CBX7: variants seen among roughly 807,000 people sequenced by gnomAD.
CBX7 encodes the protein chromobox protein homolog 7.
A neutral mutation model predicts 31.4 loss-of-function variants in CBX7; 14 were observed. That is an observed-to-expected ratio of 0.45 (90% confidence interval 0.29 to 0.70). The LOEUF (loss-of-function observed/expected upper bound fraction) is 0.70, where lower values mean the gene tolerates loss of function less well. Ranked by LOEUF, CBX7 falls within the 30% of genes least tolerant of loss-of-function variation. The pLI is 0.11. For missense variants in CBX7, 269 were observed against 351.9 expected, an observed-to-expected ratio of 0.76 and a Z score of 1.89; for synonymous variants, 159 against 152.6, an observed-to-expected ratio of 1.04 and a Z score of -0.31.
chr22:39,151,371 T>G (rs763216182), intron 1 of CBX7, among the ~76,000 whole-genome samples: 1 of 152,114 alleles, frequency 6.6e-6, no homozygotes, highest in East Asian at 1.9e-4. Context: ...GTTTTCTCTA[T>G]GGAGAAAGAA....
Position 39,152,278 on chromosome 22 carries a change from C to A in CBX7, c.69+98G>T, listed in dbSNP as rs1162170849. The A allele has an allele frequency of 1.3e-6, 1 of 740,982 alleles. No individual in the cohort carries two copies. Among genetic ancestry groups the A allele is most frequent in the East Asian group, 4.3e-5 (1 of 22,994 alleles). The allele number at this position is 740,982 out of a possible 1,614,324, so 45.9% of individuals were successfully genotyped here. On this transcript the variant is annotated intron_variant, in intron 1 of 5. Coordinates refer to ENST00000216133, the MANE Select transcript of CBX7 (RefSeq NM_175709.5). The surrounding 1 kb of genome is among the most constrained non-coding windows in gnomAD (Gnocchi z 4.9). ...CAGCGCAGGGCTGCCGGGGCCCCCG[C>A]GCCCCGCTTTCCCCTTCAGCCCCAG...
chr22:39,152,475 G>T lies in CBX7; in HGVS notation c.-31C>A, dbSNP rs1331617816. On this transcript the variant is annotated 5_prime_UTR_variant, in exon 1 of 6. Transcript: ENST00000216133. This position sits in a 1 kb window ranked among gnomAD's most constrained non-coding sequence, Gnocchi z 4.9. Reference sequence around the variant, plus strand: ...GCGGCGGGCGAGCGGGCCCGGGGCCGGGCCGGGCCGGGGGCGGAGCTGCGG... The same window carrying T: ...GCGGCGGGCGAGCGGGCCCGGGGCCTGGCCGGGCCGGGGGCGGAGCTGCGG... 9.9e-7 allele frequency: 1 copy of T among 1,013,378 alleles called. No homozygotes were observed. Among genetic ancestry groups the T allele is most frequent in the Non-Finnish European group, 1.2e-6 (1 of 838,560 alleles). The allele number at this position is 1,013,378 out of a possible 1,614,324, so 62.8% of individuals were successfully genotyped here. A position where few individuals can be genotyped will look rare whatever the true frequency, so the allele number is the denominator to read the frequency against.
At chr22:39,137,474 G>A (rs1283990576) in intron 4 of CBX7, among the ~76,000 whole-genome samples, 2 of 151,984 alleles carry the variant, frequency 1.3e-5, no homozygotes, top group Non-Finnish European at 2.9e-5. Context: ...TCAGCCCCCT[G>A]AGTAGCTGGG....
At position 39,134,458 on chromosome 22, in the gene CBX7, C is replaced by G; in HGVS notation, c.541G>C (p.Asp181His). The change falls in exon 5 of 6, where the codon GAC (aspartate) becomes CAC (histidine). Residue 181 changes from aspartate to histidine, a missense_variant. Around this residue, in one of 2 missense-constraint regions of CBX7, gnomAD observed 222 missense variants for 240.4 expected, o/e 0.92. Transcript: ENST00000216133. ...CACTCGCCAGCCGCCTGCAGGACGT[C>G]TGGGGCCGGTGGCTCCTGCAGGAAG... ...ELFLQEPPAP[D>H]VLQAAGEWEP... 6.2e-7 allele frequency: 1 copy of G among 1,607,726 alleles called. No homozygotes were observed. The highest frequency in any genetic ancestry group is 8.5e-7 in the Non-Finnish European group (1 of 1,179,818).
intron 3 of CBX7, among the ~76,000 whole-genome samples, chr22:39,139,440 C>T (rs1378313638): frequency 2.0e-5 from 3 of 152,208 alleles, no homozygotes; most frequent in East Asian, 1.9e-4. Context: ...CGGTGGCTCA[C>T]GCCCGTAATC....
rs1444125607 is a variant in CBX7 at position 39,139,874 on chromosome 22, G to A, written c.180-1172C>T. Among the ~76,000 whole-genome samples, 3 of 151,896 alleles carry A rather than the reference G, an allele frequency of 2.0e-5. No homozygotes were observed. The East Asian group carries it at 5.8e-4, about 29-fold the overall frequency. On this transcript the variant is annotated intron_variant, in intron 3 of 5. Coordinates refer to ENST00000216133, the MANE Select transcript of CBX7 (RefSeq NM_175709.5). ...GAGCCTGGGAGGCAGAGGTTGTAGT[G>A]AGCCAAGATCGCACCACTGCACTCC... is the stretch of plus-strand genomic sequence containing the variant.
intron 2 of CBX7, chr22:39,148,206 C>CT (rs918816495): frequency 2.6e-5 from 4 of 152,286 alleles, no homozygotes; most frequent in African/African-American, 9.6e-5. Flanking sequence ...GGTCCCCAGG[C>CT]TAGGGGCACA....
intron 2 of CBX7, chr22:39,147,455 A>C (rs1475661653): frequency 3.3e-5 from 5 of 152,060 alleles, no homozygotes; most frequent in Admixed American, 1.3e-4. Context: ...GAGCAGGAGA[A>C]TCACTACCCC....
chr22:39,138,112 T>C (rs1275015043), intron 4 of CBX7, among the ~76,000 whole-genome samples: 3 of 135,354 alleles, frequency 2.2e-5, no homozygotes, highest in Admixed American at 8.6e-5. Flanking sequence ...ACCCGGGAGG[T>C]GGAGCTTGCA....
intron 5 of CBX7, 125 bp from the exon 6 acceptor site, chr22:39,134,173 G>T: frequency 9.3e-7 from 1 of 1,073,072 alleles, no homozygotes; most frequent in Non-Finnish European, 1.3e-6. Context: ...GCCTCACACA[G>T]GGCTGGACAC....
At chr22:39,140,111 G>A (rs1930401551) in intron 3 of CBX7, among the ~76,000 whole-genome samples, 2 of 152,166 alleles carry the variant, frequency 1.3e-5, no homozygotes, top group South Asian at 4.1e-4. Context: ...GAGGTCACGT[G>A]GACAACAGAA....
chr22:39,137,595 C>T (rs1945306262), intron 4 of CBX7, among the ~76,000 whole-genome samples: 3 of 152,054 alleles, frequency 2.0e-5, no homozygotes, highest in Admixed American at 6.6e-5. Context: ...GTGATCCACC[C>T]GCCTCGGCCT....
chr22:39,149,592 T>C, intron 2 of CBX7, 197 bp downstream of exon 2: 1 of 598,812 alleles, frequency 1.7e-6, no homozygotes, highest in Non-Finnish European at 3.0e-6. Context: ...GAAGAGAAGC[T>C]GGAGACCCAC....
chr22:39,139,957 A>T (rs1930395975), intron 3 of CBX7, among the ~76,000 whole-genome samples: 1 of 151,990 alleles, frequency 6.6e-6, no homozygotes, highest in Non-Finnish European at 1.5e-5. Flanking sequence ...ACAACTTGAC[A>T]ATGCCACGAA....
chr22:39,134,222 C>T lies in CBX7; in HGVS notation c.599-174G>A, dbSNP rs544593905. ...ACTGGGTGCATCCTCCCCACCTAGA[C>T]AAGAGCTCAGCCAGAGCGGGACGAC... On this transcript the variant is annotated intron_variant, in intron 5 of 5. Transcript: ENST00000216133. 57 of 859,546 alleles carry T rather than the reference C, an allele frequency of 6.6e-5. 1 individual carries two copies. The South Asian group carries it at 1.0e-3, about 15-fold the overall frequency. The allele number at this position is 859,546 out of a possible 1,614,324, so 53.2% of individuals were successfully genotyped here.
At chr22:39,150,473 C>T (rs1244949729) in intron 1 of CBX7, among the ~76,000 whole-genome samples, 1 of 152,218 alleles carries the variant, frequency 6.6e-6, no homozygotes, top group Non-Finnish European at 1.5e-5. Flanking sequence ...CCCTTCCTCA[C>T]AGGCTTTAAA....
At chr22:39,145,236 G>A (rs1030698000) in intron 2 of CBX7, among the ~76,000 whole-genome samples, 3 of 152,214 alleles carry the variant, frequency 2.0e-5, no homozygotes, top group Admixed American at 1.3e-4. Flanking sequence ...GGCGGCACCA[G>A]CATCTTAATT....
intron 2 of CBX7, chr22:39,147,062 C>G (rs575800240): frequency 2.0e-5 from 3 of 147,928 alleles, no homozygotes; most frequent in African/African-American, 7.6e-5. Flanking sequence ...AGTGGTTTAG[C>G]CTAGGCCTGG....
intron 1 of CBX7, among the ~76,000 whole-genome samples, chr22:39,151,667 T>C (rs1373112872): frequency 1.3e-5 from 2 of 151,946 alleles, no homozygotes; most frequent in Non-Finnish European, 2.9e-5. Context: ...GCACGGGAGG[T>C]GTAGACGCCA....
Sources: gnomAD v4.1 joint callset for allele counts (sites outside exome capture counted in the v4.1 genomes callset) on GRCh38, gnomAD v4.1.1 for gene constraint, gnomAD v4.1.1 regional missense constraint, Gnocchi (gnomAD v3.1) non-coding constraint, MANE v1.5 for transcripts, NCBI Gene and HGNC (gene_info 2026-07-23, HGNC 2026-07-21) for gene names.